IQCJ: variants seen among roughly 807,000 people sequenced by gnomAD.
IQCJ encodes the protein IQ domain-containing protein J.
IQCJ carries 9 observed loss-of-function variants against 11.0 expected under a neutral mutation model. The observed-to-expected ratio is 0.82, with a 90% CI of 0.49 to 1.43. IQCJ has a LOEUF of 1.43. Ranked by LOEUF, IQCJ falls within the 40% of genes most tolerant of loss-of-function variation. The pLI is 0.00. For missense variants in IQCJ, 146 were observed against 133.2 expected (o/e 1.10, Z -0.47); for synonymous variants, 55 against 51.3 (o/e 1.07, Z -0.31).
chr3:159,153,940 T>C (rs1443420742), intron 1 of IQCJ, among the ~76,000 whole-genome samples: 3 of 152,218 alleles, frequency 2.0e-5, no homozygotes, highest in African/African-American at 7.2e-5. Context: ...CTTGGAAGCT[T>C]AGTCTGAGCC....
intron 1 of IQCJ, among the ~76,000 whole-genome samples, chr3:159,129,097 T>C (rs921037371): frequency 6.6e-6 from 1 of 152,122 alleles, no homozygotes; most frequent in African/African-American, 2.4e-5. Flanking sequence ...ATAACAACAT[T>C]GATAATTTGG....
chr3:159,258,482 C>G (rs541468574), intron 3 of IQCJ, among the ~76,000 whole-genome samples: 2 of 152,156 alleles, frequency 1.3e-5, no homozygotes, highest in Admixed American at 6.5e-5. Flanking sequence ...ATATTGGGCA[C>G]GCAAAATCTA....
At chr3:159,115,696 T>C (rs1335602960) in intron 1 of IQCJ, among the ~76,000 whole-genome samples, 1 of 152,228 alleles carries the variant, frequency 6.6e-6, no homozygotes, top group East Asian at 1.9e-4. Context: ...AATTGTCTTG[T>C]ATTTGGGGAT....
chr3:159,242,840 C>T (rs1322833385), intron 1 of IQCJ, among the ~76,000 whole-genome samples: 2 of 151,968 alleles, frequency 1.3e-5, no homozygotes, highest in Non-Finnish European at 1.5e-5. Context: ...AATTATATTG[C>T]ATCAAAATGA....
rs548777411 is a variant in IQCJ, at chr3:159,114,313, G to GT, written c.9+44885dup. On this transcript the variant is annotated intron_variant, in intron 1 of 3. Coordinates refer to ENST00000397832, the MANE Select transcript of IQCJ (RefSeq NM_001042706.3). Reference sequence around the variant, plus strand: ...CACACAAGACTTCTTGTTTCTAAATGTTTTTTTTTTTTTCTGAGACGTAGT... The same window carrying GT: ...CACACAAGACTTCTTGTTTCTAAATGTTTTTTTTTTTTTTCTGAGACGTAGT... Among the ~76,000 whole-genome samples, 1,270 of 142,950 alleles carry GT rather than the reference G, an allele frequency of 8.9e-3. 14 individuals are homozygous for GT. Among genetic ancestry groups the GT allele is most frequent in the African/African-American group, 0.025 (985 of 38,648 alleles). 93.8% of individuals were successfully genotyped at this position (142,950 alleles called of 152,430 possible).
intron 1 of IQCJ, among the ~76,000 whole-genome samples, chr3:159,137,278 AG>A (rs1313517515): frequency 6.6e-6 from 1 of 151,322 alleles, no homozygotes; most frequent in Non-Finnish European, 1.5e-5. Flanking sequence ...AAAAAAAAAA[AG>A]AAATACAGTA....
chr3:159,135,854 C>T (rs532723451), intron 1 of IQCJ, among the ~76,000 whole-genome samples: 20 of 152,200 alleles, frequency 1.3e-4, no homozygotes, highest in African/African-American at 4.1e-4. Context: ...GCTTGGTGGG[C>T]GGCACCTTTA....
At chr3:159,197,384 G>A (rs1467767604) in intron 1 of IQCJ, among the ~76,000 whole-genome samples, 6 of 152,046 alleles carry the variant, frequency 3.9e-5, no homozygotes, top group Non-Finnish European at 8.8e-5. Flanking sequence ...TCTCTTCTAA[G>A]CTATTGCTCT....
chr3:159,252,854 GAA>G (rs1560043700), intron 3 of IQCJ, 47 bp downstream of exon 3: 3 of 1,555,540 alleles, frequency 1.9e-6, no homozygotes, highest in Non-Finnish European at 2.6e-6. Flanking sequence ...CTAGTTTTAT[GAA>G]TTCCTGAATA....
chr3:159,215,045 C>T (rs1168860021), intron 1 of IQCJ, among the ~76,000 whole-genome samples: 2 of 152,116 alleles, frequency 1.3e-5, no homozygotes, highest in Non-Finnish European at 2.9e-5. Context: ...ATAGTAAAGA[C>T]AGGTGAACAA....
intron 1 of IQCJ, among the ~76,000 whole-genome samples, chr3:159,192,923 A>G (rs2108044886): frequency 6.6e-6 from 1 of 152,336 alleles, no homozygotes; most frequent in Non-Finnish European, 1.5e-5. Flanking sequence ...TCAGCCCTGC[A>G]ATGCAGCTGG....
At chr3:159,087,104 T>C (rs1156685097) in intron 1 of IQCJ, among the ~76,000 whole-genome samples, 10 of 152,218 alleles carry the variant, frequency 6.6e-5, no homozygotes, top group Non-Finnish European at 1.2e-4. Context: ...CAATACCTAA[T>C]GTATTGAGAG....
At chr3:159,193,324 T>G (rs980114561) in intron 1 of IQCJ, among the ~76,000 whole-genome samples, 4 of 152,224 alleles carry the variant, frequency 2.6e-5, no homozygotes, top group African/African-American at 9.6e-5. Flanking sequence ...CCATATATTC[T>G]AAGTACTGGT....
At chr3:159,088,006 A>T (rs1407313318) in intron 1 of IQCJ, among the ~76,000 whole-genome samples, 4 of 151,086 alleles carry the variant, frequency 2.6e-5, no homozygotes, top group Non-Finnish European at 5.9e-5. Flanking sequence ...TTTAATTGTG[A>T]TGTTAGGGTG....
intron 1 of IQCJ, among the ~76,000 whole-genome samples, chr3:159,216,010 GTC>G (rs1725206244): frequency 6.7e-6 from 1 of 148,828 alleles, no homozygotes; most frequent in African/African-American, 2.5e-5. Context: ...ATGCATAAAT[GTC>G]TCTCTAACTG....
At chr3:159,116,060 C>A (rs7637457) in intron 1 of IQCJ, among the ~76,000 whole-genome samples, 98,608 of 151,956 alleles carry the variant, frequency 0.65, 32,376 homozygotes, top group Non-Finnish European at 0.71. Context: ...CCCAGAACTT[C>A]AAGTATAATA....
At chr3:159,121,928 A>G (rs550426737) in intron 1 of IQCJ, among the ~76,000 whole-genome samples, 21 of 152,312 alleles carry the variant, frequency 1.4e-4, no homozygotes, top group Admixed American at 3.9e-4. Flanking sequence ...CTTATTATAC[A>G]TTTAGACTAT....
chr3:159,212,592 A>G (rs980767158), intron 1 of IQCJ, among the ~76,000 whole-genome samples: 3 of 152,204 alleles, frequency 2.0e-5, no homozygotes, highest in African/African-American at 4.8e-5. Context: ...CTACACTGTA[A>G]TGATTTATTT....
At chr3:159,158,109 C>T (rs1392278369) in intron 1 of IQCJ, among the ~76,000 whole-genome samples, 10 of 152,044 alleles carry the variant, frequency 6.6e-5, no homozygotes, top group Non-Finnish European at 7.4e-5. Context: ...TATAAATTGC[C>T]TTATATTTAT....
Sources: gnomAD v4.1 joint callset for allele counts (sites outside exome capture counted in the v4.1 genomes callset) on GRCh38, gnomAD v4.1.1 for gene constraint, MANE v1.5 for transcripts, NCBI Gene and HGNC (gene_info 2026-07-23, HGNC 2026-07-21) for gene names.